The following CDKAL1 variants were observed in gnomAD, a reference collection of about 807,000 sequenced individuals.
The protein encoded by CDKAL1 is threonylcarbamoyladenosine tRNA methylthiotransferase.
CDKAL1 carries 32 observed loss-of-function variants against 68.2 expected under a neutral mutation model. That is an observed-to-expected ratio of 0.47 (90% CI 0.35 to 0.63). The LOEUF (loss-of-function observed/expected upper bound fraction) is 0.63, where lower values mean the gene tolerates loss of function less well. CDKAL1 is among the 30% of genes least tolerant of loss of function. CDKAL1 has a pLI of 0.00. For synonymous variants in CDKAL1, 234 were observed against 244.3 expected (o/e 0.96, Z 0.39); for missense variants, 606 against 696.7 (o/e 0.87, Z 1.47).
chr6:20,870,321 T>C (rs1228021279), intron 9 of CDKAL1, among the ~76,000 whole-genome samples: 2 of 152,226 alleles, frequency 1.3e-5, no homozygotes, highest in Non-Finnish European at 2.9e-5. Context: ...GCTACTTTAG[T>C]ACTTTAAAAT....
At chr6:20,731,356 T>C (rs754864166) in intron 5 of CDKAL1, among the ~76,000 whole-genome samples, 4 of 152,122 alleles carry the variant, frequency 2.6e-5, no homozygotes, top group Non-Finnish European at 4.4e-5. Flanking sequence ...ACCATGGTGG[T>C]AGCTGTGGGG....
chr6:20,735,184 A>G (rs1773134039), intron 5 of CDKAL1, among the ~76,000 whole-genome samples: 1 of 152,118 alleles, frequency 6.6e-6, no homozygotes, highest in Admixed American at 6.5e-5. Flanking sequence ...CTTTTTTTAA[A>G]AAACTAATTT....
At chr6:20,822,671 A>G (rs898368189) in intron 8 of CDKAL1, among the ~76,000 whole-genome samples, 3 of 152,170 alleles carry the variant, frequency 2.0e-5, no homozygotes, top group East Asian at 1.9e-4. Context: ...GGTTTCCCCA[A>G]TGTTGTTCTC....
At chr6:20,717,860 G>T (rs1316056476) in intron 5 of CDKAL1, among the ~76,000 whole-genome samples, 2 of 152,088 alleles carry the variant, frequency 1.3e-5, no homozygotes, top group Non-Finnish European at 2.9e-5. Flanking sequence ...TCCCTCTTCT[G>T]GTTCTCTAAT....
chr6:20,713,022 G>C (rs997886743), intron 5 of CDKAL1, among the ~76,000 whole-genome samples: 2 of 151,072 alleles, frequency 1.3e-5, no homozygotes, highest in Non-Finnish European at 3.0e-5. Context: ...CAAAGGACTT[G>C]TGATCATGTA....
intron 8 of CDKAL1, among the ~76,000 whole-genome samples, chr6:20,808,710 G>A (rs1776673798): frequency 6.6e-6 from 1 of 152,086 alleles, no homozygotes; most frequent in African/African-American, 2.4e-5. Context: ...GGGATTGGAT[G>A]TATGTATTAT....
intron 7 of CDKAL1, among the ~76,000 whole-genome samples, chr6:20,767,147 T>C (rs1230641626): frequency 6.6e-6 from 1 of 152,176 alleles, no homozygotes; most frequent in Non-Finnish European, 1.5e-5. Flanking sequence ...ATTTTATTCT[T>C]CATTAGAGAA....
chr6:21,095,096 GTC>G (rs1219399112), intron 12 of CDKAL1, among the ~76,000 whole-genome samples: 1 of 152,180 alleles, frequency 6.6e-6, no homozygotes, highest in Non-Finnish European at 1.5e-5. Flanking sequence ...TCTTCAGTAT[GTC>G]TCTCTGAAGA....
chr6:21,092,601 C>T (rs56159522), intron 12 of CDKAL1, among the ~76,000 whole-genome samples: 19,486 of 151,608 alleles, frequency 0.13, 1,334 homozygotes, highest in Middle Eastern at 0.16. Context: ...AAGTAGCAAG[C>T]AAGGATTACC....
chr6:20,795,283 G>C (rs991426728), intron 8 of CDKAL1, among the ~76,000 whole-genome samples: 1 of 152,076 alleles, frequency 6.6e-6, no homozygotes, highest in African/African-American at 2.4e-5. Context: ...TCATTCTAAA[G>C]TCTCTTTTGC....
At chr6:20,973,849 C>T (rs1330970866) in intron 10 of CDKAL1, among the ~76,000 whole-genome samples, 1 of 152,202 alleles carries the variant, frequency 6.6e-6, no homozygotes, top group African/African-American at 2.4e-5. Context: ...AAGTGATCTG[C>T]TCACCTCAGC....
chr6:20,919,397 T>A (rs1228976068), intron 9 of CDKAL1, among the ~76,000 whole-genome samples: 1 of 152,196 alleles, frequency 6.6e-6, no homozygotes. Flanking sequence ...TTCTTTTGTT[T>A]AATACTTAAG....
At chr6:21,068,760 T>C (rs1771594736) in intron 12 of CDKAL1, among the ~76,000 whole-genome samples, 1 of 152,220 alleles carries the variant, frequency 6.6e-6, no homozygotes, top group Non-Finnish European at 1.5e-5. Context: ...CTGCTGGAAT[T>C]TTGATTAAGA....
intron 15 of CDKAL1, among the ~76,000 whole-genome samples, chr6:21,223,832 G>T (rs1779624667): frequency 6.6e-6 from 1 of 152,194 alleles, no homozygotes; most frequent in Non-Finnish European, 1.5e-5. Flanking sequence ...CATTTTCTTA[G>T]GAAGCAGCTA....
intron 7 of CDKAL1, among the ~76,000 whole-genome samples, chr6:20,778,259 T>C (rs1775261547): frequency 6.6e-6 from 1 of 152,092 alleles, no homozygotes; most frequent in Non-Finnish European, 1.5e-5. Flanking sequence ...GCATGAGCCA[T>C]AAAAGAAAAA....
At chr6:20,643,997 G>A (rs1768313997) in intron 4 of CDKAL1, among the ~76,000 whole-genome samples, 1 of 151,812 alleles carries the variant, frequency 6.6e-6, no homozygotes, top group Admixed American at 6.6e-5. Context: ...GCTAATTTTT[G>A]TATTTTTACA....
intron 13 of CDKAL1, among the ~76,000 whole-genome samples, chr6:21,129,972 T>G (rs947646529): frequency 1.5e-4 from 23 of 152,120 alleles, no homozygotes; most frequent in African/African-American, 5.3e-4. Flanking sequence ...AATTGGCTAG[T>G]TAATAATAAA....
At chr6:20,840,012 C>G (rs1194583488) in intron 8 of CDKAL1, among the ~76,000 whole-genome samples, 1 of 152,136 alleles carries the variant, frequency 6.6e-6, no homozygotes, top group African/African-American at 2.4e-5. Context: ...TATTCTTACA[C>G]AGAATAAGTC....
intron 8 of CDKAL1, among the ~76,000 whole-genome samples, chr6:20,815,989 A>T (rs776085686): frequency 6.6e-6 from 1 of 152,142 alleles, no homozygotes; most frequent in Admixed American, 6.6e-5. Flanking sequence ...CTCCAGAGCT[A>T]TAGGAGAGAA....
Sources: allele counts gnomAD v4.1 joint callset (sites outside exome capture counted in the v4.1 genomes callset), GRCh38; gene constraint gnomAD v4.1.1; transcripts MANE v1.5; gene names NCBI Gene and HGNC (gene_info 2026-07-23, HGNC 2026-07-21).